The following CYYR1 variants were observed in gnomAD, a reference collection of about 807,000 sequenced individuals.
CYYR1 encodes the protein cysteine and tyrosine-rich protein 1.
Under a neutral mutation model 15.2 loss-of-function variants are expected in CYYR1, and 14 were observed. That is an observed-to-expected ratio of 0.92 (90% CI 0.61 to 1.44). CYYR1 has a LOEUF of 1.44. Ranked by LOEUF, CYYR1 falls within the 40% of genes most tolerant of loss-of-function variation. CYYR1 has a pLI of 0.00. For synonymous variants in CYYR1, 80 were observed against 77.4 expected, an observed-to-expected ratio of 1.03 and a Z score of -0.18; for missense variants, 228 against 209.5, an observed-to-expected ratio of 1.09 and a Z score of -0.54.
At chr21:26,478,405 T>G (rs2065130127) in intron 3 of CYYR1, among the ~76,000 whole-genome samples, 1 of 151,742 alleles carries the variant, frequency 6.6e-6, no homozygotes, top group Non-Finnish European at 1.5e-5. Flanking sequence ...GCCTTGTGAG[T>G]TCATGGAACA....
intron 2 of CYYR1, among the ~76,000 whole-genome samples, chr21:26,494,257 G>A (rs897128247): frequency 6.6e-6 from 1 of 152,018 alleles, no homozygotes; most frequent in African/African-American, 2.4e-5. Flanking sequence ...GTTAAATTTC[G>A]GTGTGATAAT....
At chr21:26,494,276 G>A (rs1309000987) in intron 2 of CYYR1, among the ~76,000 whole-genome samples, 1 of 152,158 alleles carries the variant, frequency 6.6e-6, no homozygotes, top group Non-Finnish European at 1.5e-5. Context: ...ATTAATTACA[G>A]TCCAACAAGA....
rs1323196301 is a variant in CYYR1, at chr21:26,468,163, T to C, written c.*338A>G. The stretch of plus-strand genomic sequence containing the variant: ...CTCCCATCCTACTTAGATCTTCTTT[T>C]TTTCCAGGATCAATACTGAAACTTT... On this transcript the variant is annotated 3_prime_UTR_variant, in exon 4 of 4. Transcript: ENST00000652641. 1 of 309,454 alleles carries C rather than the reference T, an allele frequency of 3.2e-6. No individual in the cohort carries two copies. The highest frequency in any genetic ancestry group is 6.2e-6 in the Non-Finnish European group (1 of 160,588). 19.2% of individuals were successfully genotyped at this position (309,454 alleles called of 1,614,324 possible).
intron 1 of CYYR1, among the ~76,000 whole-genome samples, chr21:26,571,598 G>A (rs1489125922): frequency 6.6e-6 from 1 of 152,204 alleles, no homozygotes; most frequent in Admixed American, 6.5e-5. Flanking sequence ...ATATTGTCGA[G>A]CAGAGGAAGT....
At chr21:26,473,433 C>T (rs111385192) in intron 3 of CYYR1, among the ~76,000 whole-genome samples, 3,875 of 152,254 alleles carry the variant, frequency 0.025, 78 homozygotes, top group Non-Finnish European at 0.036. Context: ...CCCTTCCACT[C>T]AGATAGCATC....
At chr21:26,505,444 C>T (rs1320462456) in intron 2 of CYYR1, among the ~76,000 whole-genome samples, 2 of 152,194 alleles carry the variant, frequency 1.3e-5, no homozygotes, top group Non-Finnish European at 2.9e-5. Flanking sequence ...ATTTCTGCCA[C>T]ATTTCACAGT....
chr21:26,468,568 G>A lies in CYYR1; in HGVS notation c.401C>T (p.Ser134Phe), dbSNP rs752085834. 1 of 1,613,676 alleles carries A rather than the reference G, an allele frequency of 6.2e-7. No homozygotes were observed. Among genetic ancestry groups the A allele is most frequent in the Non-Finnish European group, 8.5e-7 (1 of 1,179,768 alleles). ...CTGTGCTGGACCCTGTGGGGTGGGG[G>A]AGTATGGAGGAGGCAAGTCTGCACA... ...EYCADLPPPY[S>F]PTPQGPAQRS... Residue 134 changes from serine (S) to phenylalanine (F), a missense_variant, in exon 4 of 4, where the codon TCC (serine) becomes TTC (phenylalanine). Coordinates refer to ENST00000652641, the MANE Select transcript of CYYR1 (RefSeq NM_001320768.2).
intron 2 of CYYR1, among the ~76,000 whole-genome samples, chr21:26,541,894 T>C (rs561081227): frequency 6.6e-6 from 1 of 152,024 alleles, no homozygotes; most frequent in Non-Finnish European, 1.5e-5. Context: ...AGAGGTAAGC[T>C]AAAAAGCCAA....
chr21:26,531,605 G>A (rs2065931375), intron 2 of CYYR1, among the ~76,000 whole-genome samples: 1 of 152,068 alleles, frequency 6.6e-6, no homozygotes, highest in Non-Finnish European at 1.5e-5. Flanking sequence ...ATGACTGGAA[G>A]TTTCCTGAGG....
intron 2 of CYYR1, among the ~76,000 whole-genome samples, chr21:26,489,287 G>A (rs1034126566): frequency 7.2e-5 from 11 of 152,110 alleles, no homozygotes; most frequent in African/African-American, 2.7e-4. Flanking sequence ...TGAATATGTT[G>A]TAGATTGTAG....
At chr21:26,502,064 C>T (rs949331970) in intron 2 of CYYR1, among the ~76,000 whole-genome samples, 1 of 152,114 alleles carries the variant, frequency 6.6e-6, no homozygotes, top group African/African-American at 2.4e-5. Flanking sequence ...ATCATTTTTA[C>T]ATCCTAAAAT....
At chr21:26,536,462 C>G (rs1444919154) in intron 2 of CYYR1, among the ~76,000 whole-genome samples, 5 of 152,108 alleles carry the variant, frequency 3.3e-5, no homozygotes. Context: ...TCAGGTAAGG[C>G]AGGAACTTCA....
intron 3 of CYYR1, among the ~76,000 whole-genome samples, chr21:26,479,162 T>C (rs1487287667): frequency 2.0e-5 from 3 of 151,880 alleles, no homozygotes; most frequent in Non-Finnish European, 2.9e-5. Context: ...AGATACAATA[T>C]GGAAGAAAAG....
intron 2 of CYYR1, among the ~76,000 whole-genome samples, chr21:26,545,664 T>C (rs943108797): frequency 3.0e-5 from 4 of 131,404 alleles, no homozygotes; most frequent in African/African-American, 1.1e-4. Context: ...GCCTCCCGGG[T>C]TCACGCCAGT....
intron 2 of CYYR1, among the ~76,000 whole-genome samples, chr21:26,517,345 G>A (rs1249960262): frequency 6.6e-6 from 1 of 152,056 alleles, no homozygotes; most frequent in East Asian, 1.9e-4. Context: ...AATCTTTCAA[G>A]TATCTTGTCA....
intron 2 of CYYR1, among the ~76,000 whole-genome samples, chr21:26,525,746 T>C (rs956534436): frequency 6.6e-6 from 1 of 152,188 alleles, no homozygotes; most frequent in Non-Finnish European, 1.5e-5. Flanking sequence ...CCTATAGTCA[T>C]TGCCTACATG....
chr21:26,504,631 C>G (rs150824224), intron 2 of CYYR1, among the ~76,000 whole-genome samples: 338 of 152,296 alleles, frequency 2.2e-3, no homozygotes, highest in African/African-American at 7.9e-3. Flanking sequence ...TCCATCCCCT[C>G]AAGCATTTAT....
intron 2 of CYYR1, among the ~76,000 whole-genome samples, chr21:26,517,144 A>AAG (rs1491223332): frequency 0.099 from 11,040 of 111,162 alleles, 1,194 homozygotes; most frequent in African/African-American, 0.12. Flanking sequence ...AAAAAAAAAA[A>AAG]GAATTCACTG....
intron 2 of CYYR1, among the ~76,000 whole-genome samples, chr21:26,545,154 A>G (rs1274130156): frequency 1.3e-5 from 2 of 152,034 alleles, no homozygotes; most frequent in Non-Finnish European, 2.9e-5. Flanking sequence ...TTGAAATTAT[A>G]TAATATATTT....
Sources: gnomAD v4.1 joint callset for allele counts (sites outside exome capture counted in the v4.1 genomes callset) on GRCh38, gnomAD v4.1.1 for gene constraint, MANE v1.5 for transcripts, NCBI Gene and HGNC (gene_info 2026-07-23, HGNC 2026-07-21) for gene names.